RUFY4: variants seen among roughly 807,000 people sequenced by gnomAD.
RUFY4 encodes RUN and FYVE domain containing 4, also known as RUN and FYVE domain-containing protein 4.
In RUFY4, 73 loss-of-function variants were observed where a neutral mutation model predicts 69.0. The observed-to-expected ratio is 1.06, with a 90% CI of 0.88 to 1.29. The LOEUF (loss-of-function observed/expected upper bound fraction) is 1.29. Ranked by LOEUF, RUFY4 falls within the 50% of genes most tolerant of loss-of-function variation. The pLI, the probability that RUFY4 is intolerant of heterozygous loss-of-function variation, is 0.00. For synonymous variants in RUFY4, 287 were observed against 271.8 expected, an observed-to-expected ratio of 1.06 and a Z score of -0.55; for missense variants, 770 against 705.6, an observed-to-expected ratio of 1.09 and a Z score of -1.03.
intron 3 of RUFY4, chr2:218,061,126 G>A (rs1689178013): frequency 4.0e-6 from 2 of 503,244 alleles, no homozygotes; most frequent in South Asian, 3.4e-5. Flanking sequence ...GCAATGTCAG[G>A]GAAAAGAACA....
intron 9 of RUFY4, among the ~76,000 whole-genome samples, chr2:218,085,584 GT>G (rs2106073706): frequency 6.6e-6 from 1 of 152,322 alleles, no homozygotes; most frequent in South Asian, 2.1e-4. Context: ...TGAAGCCCAA[GT>G]TTTTTGTAGG....
chr2:218,062,541 T>C (rs569040684), intron 3 of RUFY4, among the ~76,000 whole-genome samples: 1 of 151,854 alleles, frequency 6.6e-6, no homozygotes, highest in Non-Finnish European at 1.5e-5. Context: ...TGAAACCCCA[T>C]CTCTACTAAA....
Position 218,076,643 on chromosome 2 carries a change from C to G in RUFY4, c.1355+110C>G, listed in dbSNP as rs530731710. 130 of 1,474,808 alleles carry G rather than the reference C, an allele frequency of 8.8e-5. No homozygotes were observed. In the African/African-American group the frequency reaches 1.6e-3, roughly 18 times the overall value. The allele number at this position is 1,474,808 out of a possible 1,614,324, so 91.4% of individuals were successfully genotyped here. A position where few individuals can be genotyped will look rare whatever the true frequency, so the allele number is the denominator to read the frequency against. On this transcript the variant is annotated intron_variant, in intron 8 of 10. Transcript: ENST00000344321. ...GTGAGAACCTCCCATGCACCAGGCC[C>G]TGGACTGGGCACACCTTTGGGATCT...
chr2:218,047,810 A>G (rs1356100264), intron 2 of RUFY4, among the ~76,000 whole-genome samples: 1 of 152,224 alleles, frequency 6.6e-6, no homozygotes, highest in African/African-American at 2.4e-5. Context: ...TTATTTAGTG[A>G]TTAATAATTT....
intron 2 of RUFY4, among the ~76,000 whole-genome samples, chr2:218,051,424 G>C (rs115869484): frequency 0.014 from 2,082 of 151,992 alleles, 46 homozygotes; most frequent in African/African-American, 0.046. Flanking sequence ...TAAAATTAAA[G>C]TTCTAATCAA....
At chr2:218,082,648 T>G (rs1254626384) in intron 8 of RUFY4, among the ~76,000 whole-genome samples, 2 of 152,050 alleles carry the variant, frequency 1.3e-5, no homozygotes, top group African/African-American at 4.8e-5. Context: ...ATTGTGTGCA[T>G]GTTGTGTTGT....
intron 2 of RUFY4, among the ~76,000 whole-genome samples, chr2:218,051,021 T>G (rs1688930347): frequency 6.6e-6 from 1 of 152,210 alleles, no homozygotes; most frequent in Non-Finnish European, 1.5e-5. Context: ...TTAAAATATC[T>G]AGGTAAGTTC....
chr2:218,067,802 C>T (rs555002740), upstream of RUFY4, among the ~76,000 whole-genome samples: 4 of 152,330 alleles, frequency 2.6e-5, no homozygotes, highest in South Asian at 8.3e-4. Flanking sequence ...TCCATCCCAG[C>T]CCCACTGACT....
intron 5 of RUFY4, 41 bp from the exon 8 acceptor site, chr2:218,073,775 T>C: frequency 3.1e-6 from 5 of 1,610,400 alleles, no homozygotes; most frequent in Non-Finnish European, 4.2e-6. Context: ...AGCCCAACAC[T>C]GAAGAGAGGC....
At chr2:218,038,418 T>C (rs538811502) in intron 2 of RUFY4, among the ~76,000 whole-genome samples, 2 of 152,348 alleles carry the variant, frequency 1.3e-5, no homozygotes, top group Admixed American at 6.5e-5. Flanking sequence ...GCTCCATCAG[T>C]AAAAATGCAC....
chr2:218,073,965 C>T (rs747611213), intron 6 of RUFY4, 80 bp downstream of exon 8: 6 of 1,397,474 alleles, frequency 4.3e-6, no homozygotes, highest in Middle Eastern at 1.8e-4. Context: ...AACTGAGCTT[C>T]CCCCTCCGAG....
intron 9 of RUFY4, among the ~76,000 whole-genome samples, chr2:218,086,865 G>A (rs1689905616): frequency 6.6e-6 from 1 of 152,130 alleles, no homozygotes; most frequent in African/African-American, 2.4e-5. Context: ...GGTTTCTGGA[G>A]AGAAAGGGAA....
intron 8 of RUFY4, among the ~76,000 whole-genome samples, chr2:218,077,194 G>T (rs564245810): frequency 6.6e-6 from 1 of 152,224 alleles, no homozygotes; most frequent in African/African-American, 2.4e-5. Context: ...GGGCTCAGAC[G>T]CCCCATTCAG....
chr2:218,090,339 G>T, exon 11 of RUFY4: 1 of 318,622 alleles, frequency 3.1e-6, no homozygotes, highest in South Asian at 2.7e-5. Flanking sequence ...GTCCCTCTGG[G>T]CTCAGCAAAT....
intron 2 of RUFY4, among the ~76,000 whole-genome samples, chr2:218,046,241 C>A (rs1480479096): frequency 3.3e-5 from 5 of 151,964 alleles, no homozygotes; most frequent in Non-Finnish European, 5.9e-5. Context: ...TAAATATATA[C>A]TATTGTTAAC....
At chr2:218,045,595 C>T (rs529420822) in intron 2 of RUFY4, among the ~76,000 whole-genome samples, 57 of 151,786 alleles carry the variant, frequency 3.8e-4, no homozygotes, top group African/African-American at 1.3e-3. Context: ...TTAATTTAGC[C>T]TCATCTAATT....
chr2:218,087,196 G>C (rs1252656607), intron 9 of RUFY4, among the ~76,000 whole-genome samples: 6 of 152,104 alleles, frequency 3.9e-5, no homozygotes, highest in Non-Finnish European at 8.8e-5. Context: ...GAATCCAATA[G>C]AATGTTCTAT....
At chr2:218,049,755 G>A (rs371132277) in intron 2 of RUFY4, among the ~76,000 whole-genome samples, 180 of 152,204 alleles carry the variant, frequency 1.2e-3, no homozygotes, top group Middle Eastern at 3.4e-3. Flanking sequence ...TGATCCACCC[G>A]CCTCAGCCTC....
chr2:218,035,932 G>C (rs983398267), intron 2 of RUFY4, among the ~76,000 whole-genome samples: 6 of 152,174 alleles, frequency 3.9e-5, no homozygotes, highest in Non-Finnish European at 7.3e-5. Flanking sequence ...GAGGCTGGGG[G>C]CCCTCCATGG....
Sources: allele counts gnomAD v4.1 joint callset (sites outside exome capture counted in the v4.1 genomes callset), GRCh38; gene constraint gnomAD v4.1.1; transcripts MANE v1.5; gene names NCBI Gene and HGNC (gene_info 2026-07-23, HGNC 2026-07-21).